CALR: variants seen among roughly 807,000 people sequenced by gnomAD.
CALR encodes the protein calreticulin, also known as CRP55.
Under a neutral mutation model 51.1 loss-of-function variants are expected in CALR, and 15 were observed. The observed-to-expected ratio is 0.29, with a 90% CI of 0.20 to 0.45. The LOEUF (loss-of-function observed/expected upper bound fraction) is 0.45, where lower values mean the gene tolerates loss of function less well. CALR is among the 20% of genes least tolerant of loss of function. The pLI, the probability that CALR is intolerant of heterozygous loss-of-function variation, is 1.00. For missense variants in CALR, 477 were observed against 530.6 expected (o/e 0.90, Z 0.99); for synonymous variants, 239 against 205.9 (o/e 1.16, Z -1.38).
chr19:12,938,648 GGGCCCGCGCGTTGCCGCCCCCTC>G lies in CALR; in HGVS notation c.-24_-2del. 6.4e-7 allele frequency: 1 copy of G among 1,563,060 alleles called. No homozygotes were observed. Among genetic ancestry groups the G allele is most frequent in the Non-Finnish European group, 8.7e-7 (1 of 1,145,000 alleles). ...GCCGCTGCCGGAGGGTCGTTTTAAA[GGGCCCGCGCGTTGCCGCCCCCTC>G]GGCCCGCCATGCTGCTATCCGTGCC... On this transcript the variant is annotated 5_prime_UTR_variant, in exon 1 of 9. Transcript: ENST00000316448.
rs1451773406 is a variant in CALR at position 12,940,279 on chromosome 19, C to T, written c.529C>T (p.Arg177Trp). ...TACACACCTGTACACACTGATTGTG[C>T]GGCCAGACAACACCTATGAGGTGAA... ...EFTHLYTLIV[R>W]PDNTYEVKID... Residue 177 changes from arginine to tryptophan, a missense_variant, in exon 5 of 9, where the codon CGG (arginine) becomes TGG (tryptophan). Arg to Trp is a moderately radical substitution (Grantham distance 101). Transcript: ENST00000316448. The T allele has an allele frequency of 8.1e-6, 13 of 1,614,096 alleles. No homozygotes were observed. Among genetic ancestry groups the T allele is most frequent in the East Asian group, 6.7e-5 (3 of 44,908 alleles).
chr19:12,939,364 T>C, intron 2 of CALR, 64 bp from the exon 3 acceptor site: 1 of 1,545,860 alleles, frequency 6.5e-7, no homozygotes, highest in South Asian at 1.1e-5. Context: ...TCTTCTCTAT[T>C]CTCTAAGTCG....
At chr19:12,939,739 A>AT (rs1971520343) in intron 3 of CALR, 108 bp downstream of exon 3, 1 of 941,204 alleles carries the variant, frequency 1.1e-6, no homozygotes, top group South Asian at 1.3e-5. Flanking sequence ...AGCTAAAAGA[A>AT]TAAGTCCCAG....
Position 12,940,139 on chromosome 19 carries a change from C to A in CALR, c.484C>A (p.Arg162Ser), listed in dbSNP as rs776958612. The change falls in exon 4 of 9, where the codon CGT becomes AGT. Residue 162 changes from arginine (R) to serine (S), a missense_variant. Physicochemically the swap from Arg to Ser is moderately radical, Grantham distance 110. Coordinates refer to ENST00000316448, the MANE Select transcript of CALR (RefSeq NM_004343.4). ...GKNVLINKDI[R>S]CKDDEFTHLY... ...GAACGTGCTGATCAACAAGGACATC[C>A]GTTGCAAGGTGTGCCTGGGGGTGGT... 2 of 1,613,674 alleles carry A rather than the reference C, an allele frequency of 1.2e-6. No individual in the cohort carries two copies. Among genetic ancestry groups the A allele is most frequent in the Non-Finnish European group, 1.7e-6 (2 of 1,179,700 alleles).
chr19:12,942,720 G>T (rs946291840), intron 7 of CALR, among the ~76,000 whole-genome samples: 2 of 149,992 alleles, frequency 1.3e-5, no homozygotes, highest in African/African-American at 2.5e-5. Flanking sequence ...TCATCCTCTC[G>T]AGCAGCTGGA....
intron 2 of CALR, 29 bp from the exon 3 acceptor site, chr19:12,939,399 A>G (rs372617861): frequency 4.2e-5 from 67 of 1,609,994 alleles, no homozygotes; most frequent in African/African-American, 5.3e-5. Context: ...TCAAGGCCCA[A>G]CGGTGACCTC....
chr19:12,941,823 C>T (rs1051213023), intron 7 of CALR, among the ~76,000 whole-genome samples: 5 of 151,860 alleles, frequency 3.3e-5, no homozygotes, highest in Non-Finnish European at 7.4e-5. Context: ...AGGTTGGTCT[C>T]GAACTCCTGG....
chr19:12,938,799 C>G, intron 1 of CALR, 29 bp downstream of exon 1: 1 of 1,519,060 alleles, frequency 6.6e-7, no homozygotes, highest in Non-Finnish European at 9.1e-7. Context: ...TCGAGGCCGC[C>G]CCGACGACGC....
In CALR at chr19:12,944,399, C is replaced by T. The variant is rs906495225; in HGVS notation, c.*486C>T. The T allele has an allele frequency of 2.2e-4, 48 of 222,956 alleles. No homozygotes were observed. Among genetic ancestry groups the T allele is most frequent in the African/African-American group, 1.0e-3 (44 of 43,804 alleles). 13.8% of individuals were successfully genotyped at this position (222,956 alleles called of 1,614,324 possible). A position where few individuals can be genotyped will look rare whatever the true frequency, so the allele number is the denominator to read the frequency against. ...CTCCCCTGCCCCCAGGACTGGGCCA[C>T]TTCTGGGTGGGGCAGTGGGTCCCAG... On this transcript the variant is annotated 3_prime_UTR_variant, in exon 9 of 9. Transcript: ENST00000316448.
intron 3 of CALR, 36 bp downstream of exon 3, chr19:12,939,667 ATTAG>A (rs1568448306): frequency 2.6e-6 from 4 of 1,567,300 alleles, no homozygotes; most frequent in Non-Finnish European, 3.5e-6. Flanking sequence ...TCTCTGTCCC[ATTAG>A]TTAGAGGGAG....
At position 12,940,107 on chromosome 19, in the gene CALR, A is replaced by G. The variant is rs1270879893; in HGVS notation, c.452A>G (p.Lys151Arg). The G allele has an allele frequency of 1.2e-6, 2 of 1,614,208 alleles. No homozygotes were observed. Among genetic ancestry groups the G allele is most frequent in the Admixed American group, 3.3e-5 (2 of 60,028 alleles). The change falls in exon 4 of 9, where the codon AAG (lysine) becomes AGG (arginine). Residue 151 changes from lysine to arginine, a missense_variant. Transcript: ENST00000316448. The stretch of plus-strand genomic sequence containing the variant: ...AAGGTTCATGTCATCTTCAACTACA[A>G]GGGCAAGAACGTGCTGATCAACAAG... The part of the protein sequence containing the change: ...TKKVHVIFNY[K>R]GKNVLINKDI...
chr19:12,943,375 T>A, intron 7 of CALR, 162 bp from the exon 8 acceptor site: 1 of 710,936 alleles, frequency 1.4e-6, no homozygotes, highest in Non-Finnish European at 2.5e-6. Context: ...CCACCTCACC[T>A]GGCCTCTCCA....
rs779891728 is a variant in CALR at position 12,943,493 on chromosome 19, CTATCGGG to C, written c.961-39_961-33del. On this transcript the variant is annotated intron_variant, in intron 7 of 8. Transcript: ENST00000316448. ...GTGGAAACCCTGTCCAAAGCAAGGG[CTATCGGG>C]TATCACCTCTGACCATCCTTCCCAT... 7 of 1,556,106 alleles carry C rather than the reference CTATCGGG, an allele frequency of 4.5e-6. No homozygotes were observed. In the South Asian group the frequency reaches 7.8e-5, roughly 17 times the overall value.
chr19:12,938,897 G>A (rs574728641), intron 1 of CALR, 127 bp downstream of exon 1: 3 of 833,476 alleles, frequency 3.6e-6, no homozygotes, highest in Non-Finnish European at 6.1e-6. Context: ...TAGAGCCGCG[G>A]GCGATTTCTC....
Position 12,943,077 on chromosome 19 carries a change from C to CTTTTT in CALR, c.961-440_961-436dup, listed in dbSNP as rs56396276. 80 of 77,426 alleles carry CTTTTT rather than the reference C, an allele frequency of 1.0e-3. 7 individuals carry two copies. Among genetic ancestry groups the CTTTTT allele is most frequent in the African/African-American group, 2.8e-3 (42 of 14,814 alleles). 4.8% of individuals were successfully genotyped at this position (77,426 alleles called of 1,614,324 possible). On this transcript the variant is annotated intron_variant, in intron 7 of 8. Coordinates refer to ENST00000316448, the MANE Select transcript of CALR (RefSeq NM_004343.4). Reference sequence around the variant, plus strand: ...CCTGGCTGTCTCTCCATCTTTCCATCTTTTTTTTTTTTTTTTTTTTTTTTG... The same window carrying CTTTTT: ...CCTGGCTGTCTCTCCATCTTTCCATCTTTTTTTTTTTTTTTTTTTTTTTTTTTTTG...
chr19:12,940,067 G>C lies in CALR; in HGVS notation c.412G>C (p.Gly138Arg), dbSNP rs1425763533. The change falls in exon 4 of 9, where the codon GGC becomes CGC. Residue 138 changes from glycine (G) to arginine (R), a missense_variant. Physicochemically the swap from Gly to Arg is moderately radical, Grantham distance 125. Transcript: ENST00000316448. ...TTCACACCTAGGTCCCGACATCTGTGGCCCTGGCACCAAGAAGGTTCATGT... is the reference window on the plus strand; with the variant it reads ...TTCACACCTAGGTCCCGACATCTGTCGCCCTGGCACCAAGAAGGTTCATGT... ...YNIMFGPDIC[G>R]PGTKKVHVIF... 6.2e-7 allele frequency: 1 copy of C among 1,613,524 alleles called. No individual in the cohort carries two copies. Among genetic ancestry groups the C allele is most frequent in the Non-Finnish European group, 8.5e-7 (1 of 1,179,614 alleles).
chr19:12,939,356 T>A, intron 2 of CALR, 72 bp from the exon 3 acceptor site: 1 of 1,516,424 alleles, frequency 6.6e-7, no homozygotes, highest in Non-Finnish European at 9.1e-7. Flanking sequence ...TGGGGGAGTC[T>A]TCTCTATTCT....
At position 12,940,106 on chromosome 19, in the gene CALR, A is replaced by C. The variant is rs192388573; in HGVS notation, c.451A>C (p.Lys151Gln). 1.2e-5 allele frequency: 19 copies of C among 1,614,184 alleles called. No individual in the cohort carries two copies. Among genetic ancestry groups the C allele is most frequent in the Admixed American group, 1.7e-5 (1 of 60,024 alleles). The change falls in exon 4 of 9, where the codon AAG (lysine) becomes CAG (glutamine). Residue 151 changes from lysine (K) to glutamine (Q), a missense_variant. By Grantham distance (53) the Lys-to-Gln change is moderately conservative (BLOSUM62 1). Coordinates refer to ENST00000316448, the MANE Select transcript of CALR (RefSeq NM_004343.4). ...TKKVHVIFNY[K>Q]GKNVLINKDI... Reference sequence around the variant, plus strand: ...GAAGGTTCATGTCATCTTCAACTACAAGGGCAAGAACGTGCTGATCAACAA... The same window carrying C: ...GAAGGTTCATGTCATCTTCAACTACCAGGGCAAGAACGTGCTGATCAACAA...
rs779921248 is a variant in CALR at position 12,943,889 on chromosome 19, C to G, written c.1230C>G (p.Pro410=). 6 of 1,595,408 alleles carry G rather than the reference C, an allele frequency of 3.8e-6. No individual in the cohort carries two copies. Among genetic ancestry groups the G allele is most frequent in the Admixed American group, 1.7e-5 (1 of 57,402 alleles). The change falls in exon 9 of 9, where the codon CCC becomes CCG. Residue 410 remains proline, a synonymous_variant. Coordinates refer to ENST00000316448, the MANE Select transcript of CALR (RefSeq NM_004343.4). ...AGGAAGATGAGGAGGAAGATGTCCC[C>G]GGCCAGGCCAAGGACGAGCTGTAGA... ...DKEEDEEEDV[P]GQAKDEL
Sources: gnomAD v4.1 joint callset for allele counts (sites outside exome capture counted in the v4.1 genomes callset) on GRCh38, gnomAD v4.1.1 for gene constraint, MANE v1.5 for transcripts, NCBI Gene and HGNC (gene_info 2026-07-23, HGNC 2026-07-21) for gene names.